The following MBD4 variants were observed in gnomAD, a reference collection of about 807,000 sequenced individuals.
The protein encoded by MBD4 is methyl-CpG binding domain 4, DNA glycosylase, also known as methyl-CpG-binding domain protein 4.
MBD4 carries 53 observed loss-of-function variants against 60.2 expected under a neutral mutation model. That is an observed-to-expected ratio of 0.88 (90% CI 0.71 to 1.11). The LOEUF is 1.11. Among genes scored for constraint, MBD4 ranks in the 50% least tolerant of loss-of-function variants. The pLI is 0.00. For synonymous variants in MBD4, 231 were observed against 229.8 expected, an observed-to-expected ratio of 1.01 and a Z score of -0.05; for missense variants, 619 against 674.0, an observed-to-expected ratio of 0.92 and a Z score of 0.90.
intron 1 of MBD4, 151 bp from the exon 2 acceptor site, chr3:129,438,101 G>C (rs2072508149): frequency 1.6e-6 from 1 of 619,998 alleles, no homozygotes; most frequent in Non-Finnish European, 2.9e-6. Context: ...TTGTGCTATG[G>C]GAGTATTTTC....
chr3:129,433,752 G>T, intron 5 of MBD4, 98 bp downstream of exon 5: 1 of 1,442,922 alleles, frequency 6.9e-7, no homozygotes, highest in Non-Finnish European at 9.7e-7. Flanking sequence ...TATCCCAGGT[G>T]ACACACTCAA....
At chr3:129,436,343 C>T (rs1039019986) in intron 3 of MBD4, 118 bp downstream of exon 3, 26 of 1,288,422 alleles carry the variant, frequency 2.0e-5, no homozygotes, top group Middle Eastern at 1.9e-4. Flanking sequence ...TTTCTTGGCT[C>T]TATTTTCACA....
chr3:129,432,318 A>C, intron 7 of MBD4, 185 bp downstream of exon 7: 1 of 1,504,002 alleles, frequency 6.6e-7, no homozygotes, highest in Non-Finnish European at 8.8e-7. Context: ...GTCTTTGTGG[A>C]CTTGGGAGCG....
At chr3:129,432,083 G>C (rs1409153403) in intron 7 of MBD4, 1 of 888,856 alleles carries the variant, frequency 1.1e-6, no homozygotes, top group Non-Finnish European at 1.4e-6. Flanking sequence ...ATTCAACAGG[G>C]CTGAAGCAGG....
At chr3:129,433,328 C>A in intron 5 of MBD4, 81 bp from the exon 6 acceptor site, 1 of 1,463,258 alleles carries the variant, frequency 6.8e-7, no homozygotes, top group Non-Finnish European at 9.5e-7. Flanking sequence ...ATAGAAATCT[C>A]ATCCAGAGGG....
In MBD4 at chr3:129,433,179, C is replaced by A. The variant is rs368537488; in HGVS notation, c.1462G>T (p.Ala488Ser). Residue 488 changes from alanine to serine, a missense_variant, in exon 6 of 8, where the codon GCA becomes TCA. Coordinates refer to ENST00000429544, the MANE Select transcript of MBD4 (RefSeq NM_001276270.2). ...KYPSAEVARTADWRDVSELLK... is the reference protein window; with the variant it reads ...KYPSAEVARTSDWRDVSELLK... ...AGTTCTGACACATCTCTCCAGTCTG[C>A]GGTTCTTGCTACCTCAGCTGAAGGA... 4.3e-6 allele frequency: 7 copies of A among 1,614,152 alleles called. No individual in the cohort carries two copies. The Admixed American group carries it at 5.0e-5, about 12-fold the overall frequency.
intron 5 of MBD4, 83 bp downstream of exon 5, chr3:129,433,767 G>T: frequency 6.4e-7 from 1 of 1,556,030 alleles, no homozygotes; most frequent in Non-Finnish European, 8.8e-7. Flanking sequence ...ACTCAAAATG[G>T]ACTTTGAACC....
Position 129,436,808 on chromosome 3 carries a change from G to A in MBD4, c.836C>T (p.Ala279Val). 6.2e-7 allele frequency: 1 copy of A among 1,614,022 alleles called. No individual in the cohort carries two copies. The highest frequency in any genetic ancestry group is 8.5e-7 in the Non-Finnish European group (1 of 1,180,004). ...NKADAESEPV[A>V]QKSQLDRTVC... ...AGTTCTATCAAGCTGACTTTTTTGT[G>A]CAACAGGTTCACTTTCAGCATCTGC... The change falls in exon 3 of 8, where the codon GCA (alanine) becomes GTA (valine). Residue 279 changes from alanine (A) to valine (V), a missense_variant. Physicochemically the swap from Ala to Val is moderately conservative, Grantham distance 64. Coordinates refer to ENST00000429544, the MANE Select transcript of MBD4 (RefSeq NM_001276270.2).
Position 129,436,783 on chromosome 3 carries a change from A to G in MBD4, c.861T>C (p.Thr287=), listed in dbSNP as rs373943234. 4 of 1,614,150 alleles carry G rather than the reference A, an allele frequency of 2.5e-6. No individual in the cohort carries two copies. Among genetic ancestry groups the G allele is most frequent in the Non-Finnish European group, 3.4e-6 (4 of 1,180,034 alleles). The change falls in exon 3 of 8, where the codon ACT becomes ACC. Residue 287 remains threonine, a synonymous_variant. Transcript: ENST00000429544. ...ATGCTCCAGCATCAGAAATGCAGAC[A>G]GTTCTATCAAGCTGACTTTTTTGTG... ...PVAQKSQLDR[T]VCISDAGACG... is the part of the protein sequence containing the mutation.
chr3:129,433,276 C>G, intron 5 of MBD4, 29 bp from the exon 6 acceptor site: 3 of 1,612,660 alleles, frequency 1.9e-6, no homozygotes, highest in Non-Finnish European at 2.5e-6. Context: ...TGAATGATTA[C>G]AAGACTCCAG....
intron 2 of MBD4, 110 bp from the exon 3 acceptor site, chr3:129,437,418 T>C: frequency 1.1e-6 from 1 of 874,320 alleles, no homozygotes; most frequent in Non-Finnish European, 1.8e-6. Flanking sequence ...GCCATAGGTA[T>C]CTGTCATTTA....
chr3:129,437,513 T>C (rs1246798939), intron 2 of MBD4, among the ~76,000 whole-genome samples: 1 of 152,230 alleles, frequency 6.6e-6, no homozygotes, highest in Non-Finnish European at 1.5e-5. Context: ...AAATGCAACC[T>C]ACCCGTTAAC....
rs1055011652 is a variant in MBD4, at chr3:129,431,647, T to C, written c.1648-69A>G. The C allele has an allele frequency of 8.8e-5, 108 of 1,226,838 alleles. No homozygotes were observed. In the Middle Eastern group the frequency reaches 1.3e-3, roughly 15 times the overall value. The allele number at this position is 1,226,838 out of a possible 1,614,324, so 76.0% of individuals were successfully genotyped here. On this transcript the variant is annotated intron_variant, in intron 7 of 7. Coordinates refer to ENST00000429544, the MANE Select transcript of MBD4 (RefSeq NM_001276270.2). Reference sequence around the variant, plus strand: ...TTAGTCAGAAATACATTTTTTAAAATTGGCTTTTTAAATGTTTGCTGGGGG... The same window carrying C: ...TTAGTCAGAAATACATTTTTTAAAACTGGCTTTTTAAATGTTTGCTGGGGG...
intron 6 of MBD4, 124 bp downstream of exon 6, chr3:129,432,974 C>T: frequency 7.8e-7 from 1 of 1,278,004 alleles, no homozygotes; most frequent in Non-Finnish European, 1.1e-6. Context: ...TTTTTAAATG[C>T]CTTGGGTGCT....
Position 129,436,930 on chromosome 3 carries a change from C to A in MBD4, c.714G>T (p.Leu238Phe). The change falls in exon 3 of 8, where the codon TTG (leucine) becomes TTT (phenylalanine). Residue 238 changes from leucine (L) to phenylalanine (F), a missense_variant. Leu to Phe is a conservative substitution (Grantham distance 22, BLOSUM62 0). Coordinates refer to ENST00000429544, the MANE Select transcript of MBD4 (RefSeq NM_001276270.2). ...VRKPKGKVTILKGIPIKKTKK... is the reference protein window; with the variant it reads ...VRKPKGKVTIFKGIPIKKTKK... ...TAGTTTTCTTAATTGGGATTCCTTT[C>A]AAAATAGTCACCTTTCCTTTGGGCT... The A allele has an allele frequency of 6.2e-7, 1 of 1,614,144 alleles. No individual in the cohort carries two copies. Among genetic ancestry groups the A allele is most frequent in the Non-Finnish European group, 8.5e-7 (1 of 1,180,024 alleles).
intron 7 of MBD4, chr3:129,432,035 C>G: frequency 1.6e-6 from 1 of 621,636 alleles, no homozygotes; most frequent in African/African-American, 1.9e-5. Context: ...CACCCACCAG[C>G]TGCCAGGATG....
chr3:129,433,332 CA>C, intron 5 of MBD4, 85 bp from the exon 6 acceptor site: 1 of 1,458,564 alleles, frequency 6.9e-7, no homozygotes, highest in Non-Finnish European at 9.5e-7. Flanking sequence ...AAATCTCATC[CA>C]GAGGGTTTTT....
chr3:129,431,301 T>A lies in MBD4; in HGVS notation c.*200A>T, dbSNP rs185483849. 5.1e-4 allele frequency: 275 copies of A among 542,926 alleles called. No homozygotes were observed. Among genetic ancestry groups the A allele is most frequent in the East Asian group, 4.5e-3 (148 of 33,248 alleles). The allele number at this position is 542,926 out of a possible 1,614,324, so 33.6% of individuals were successfully genotyped here. ...ATTGTTGTCAAATAATAATTTATTT[T>A]AAAAAAATCTCAAAACATGTTCAAA... is the stretch of plus-strand genomic sequence containing the variant. On this transcript the variant is annotated 3_prime_UTR_variant, in exon 8 of 8. Coordinates refer to ENST00000429544, the MANE Select transcript of MBD4 (RefSeq NM_001276270.2).
chr3:129,436,644 T>C lies in MBD4; in HGVS notation c.1000A>G (p.Asn334Asp). The C allele has an allele frequency of 1.9e-6, 3 of 1,614,168 alleles. No homozygotes were observed. The highest frequency in any genetic ancestry group is 2.5e-6 in the Non-Finnish European group (3 of 1,180,022). ...CSEQKTSGIINKFCSAKDSEH... is the reference protein window; with the variant it reads ...CSEQKTSGIIDKFCSAKDSEH... ...GAGTCTTTGGCTGAACAAAATTTGTTTATGATGCCAGAAGTTTTTTGTTCA... is the reference window on the plus strand; with the variant it reads ...GAGTCTTTGGCTGAACAAAATTTGTCTATGATGCCAGAAGTTTTTTGTTCA... The change falls in exon 3 of 8, where the codon AAC (asparagine) becomes GAC (aspartate). Residue 334 changes from asparagine to aspartate, a missense_variant. Physicochemically the swap from Asn to Asp is conservative, Grantham distance 23. Transcript: ENST00000429544.
Sources: allele counts gnomAD v4.1 joint callset (sites outside exome capture counted in the v4.1 genomes callset), GRCh38; gene constraint gnomAD v4.1.1; transcripts MANE v1.5; gene names NCBI Gene and HGNC (gene_info 2026-07-23, HGNC 2026-07-21).